NHSL1: variants seen among roughly 807,000 people sequenced by gnomAD.
NHSL1 encodes NHS like 1.
NHSL1 carries 48 observed loss-of-function variants against 95.0 expected under a neutral mutation model. That is an observed-to-expected ratio of 0.51 (90% confidence interval 0.40 to 0.64). The LOEUF (loss-of-function observed/expected upper bound fraction) is 0.64. Ranked by LOEUF, NHSL1 falls within the 30% of genes least tolerant of loss-of-function variation. The pLI is 0.00. For missense variants in NHSL1, 1,971 were observed against 2,077.7 expected (o/e 0.95, Z 1.00); for synonymous variants, 783 against 833.9 (o/e 0.94, Z 1.05).
At chr6:138,597,119 T>C (rs11965437) in intron 1 of NHSL1, among the ~76,000 whole-genome samples, 11,314 of 152,040 alleles carry the variant, frequency 0.074, 461 homozygotes, top group African/African-American at 0.11. Flanking sequence ...CAAGATCACA[T>C]CACGGCACTC....
chr6:138,425,165 A>G (rs1037028286), intron 7 of NHSL1, among the ~76,000 whole-genome samples: 12 of 152,182 alleles, frequency 7.9e-5, no homozygotes, highest in Non-Finnish European at 1.3e-4. Flanking sequence ...ATCTCAGCTC[A>G]TTGCAACCTC....
intron 4 of NHSL1, among the ~76,000 whole-genome samples, chr6:138,443,399 T>G (rs11968627): frequency 0.022 from 3,386 of 152,304 alleles, 106 homozygotes; most frequent in African/African-American, 0.072. Flanking sequence ...TGTGAAAAAC[T>G]GGGTCGCTAA....
Position 138,580,863 on chromosome 6 carries a change from AGCGCGGGCTAATATAGCCCT to A in NHSL1, c.97-84512_97-84493del, listed in dbSNP as rs1249569469. Among the ~76,000 whole-genome samples, 5 of 152,376 alleles carry A rather than the reference AGCGCGGGCTAATATAGCCCT, an allele frequency of 3.3e-5. No individual in the cohort carries two copies. In the East Asian group the frequency reaches 9.6e-4, roughly 29 times the overall value. On this transcript the variant is annotated intron_variant, in intron 1 of 3. Coordinates refer to the NHSL1 transcript ENST00000491526. ...CTGGAGATGTAGACTATGGTGGATT[AGCGCGGGCTAATATAGCCCT>A]GGGCGGGCTATAAACGCAATCACAT...
intron 3 of NHSL1, among the ~76,000 whole-genome samples, chr6:138,449,418 T>C (rs1449547708): frequency 6.6e-6 from 1 of 152,200 alleles, no homozygotes; most frequent in Non-Finnish European, 1.5e-5. Context: ...GGCTCATGCC[T>C]GTAATCCCAG....
chr6:138,499,731 C>T (rs755598020), upstream of NHSL1, among the ~76,000 whole-genome samples: 7 of 152,134 alleles, frequency 4.6e-5, no homozygotes, highest in Non-Finnish European at 1.0e-4. Flanking sequence ...AAATGTGTTC[C>T]CCATTTCATT....
chr6:138,565,742 G>C (rs2114364191), intron 1 of NHSL1, among the ~76,000 whole-genome samples: 1 of 143,784 alleles, frequency 7.0e-6, no homozygotes, highest in East Asian at 1.9e-4. Flanking sequence ...CTGAGCAAAA[G>C]AGAGAGACCC....
chr6:138,621,715 G>A (rs546926489), intron 1 of NHSL1, among the ~76,000 whole-genome samples: 72 of 152,210 alleles, frequency 4.7e-4, no homozygotes, highest in African/African-American at 1.4e-3. Context: ...TGATCTGTCC[G>A]CCTCAAATGT....
chr6:138,617,448 C>A (rs1472284794), intron 1 of NHSL1, among the ~76,000 whole-genome samples: 1 of 152,212 alleles, frequency 6.6e-6, no homozygotes, highest in Non-Finnish European at 1.5e-5. Context: ...CTCACACTGT[C>A]TCTCCCCTTT....
chr6:138,683,893 G>A (rs746427231), intron 1 of NHSL1, among the ~76,000 whole-genome samples: 9 of 152,196 alleles, frequency 5.9e-5, no homozygotes, highest in Non-Finnish European at 8.8e-5. Context: ...AGCATTCGTC[G>A]ACAGCATCAT....
intron 2 of NHSL1, among the ~76,000 whole-genome samples, chr6:138,476,814 C>T (rs761075346): frequency 1.3e-4 from 19 of 151,590 alleles, no homozygotes; most frequent in Admixed American, 2.6e-4. Flanking sequence ...GCAACAAGAG[C>T]GAAACTCCAT....
rs903348570 is a variant in NHSL1, at chr6:138,431,338, C to A, written c.3007G>T (p.Asp1003Tyr). The A allele has an allele frequency of 6.6e-7, 1 of 1,526,060 alleles. No individual in the cohort carries two copies. Among genetic ancestry groups the A allele is most frequent in the Non-Finnish European group, 8.8e-7 (1 of 1,134,198 alleles). The allele number at this position is 1,526,060 out of a possible 1,614,324, so 94.5% of individuals were successfully genotyped here. Residue 1003 changes from aspartate (D) to tyrosine (Y), a missense_variant, in exon 6 of 8, where the codon GAT becomes TAT. By Grantham distance (160) the Asp-to-Tyr change is radical. Coordinates refer to ENST00000343505, the MANE Select transcript of NHSL1 (RefSeq NM_001144060.2). This position sits in a 1 kb window ranked among gnomAD's most constrained non-coding sequence, Gnocchi z 4.0. ...PRPALSPILP[D>Y]SPVSLPLPPP... ...GGCAATGGCAAGGACACAGGTGAATCTGGAAGAATGGGGCTCAGTGCAGGG... is the reference window on the plus strand; with the variant it reads ...GGCAATGGCAAGGACACAGGTGAATATGGAAGAATGGGGCTCAGTGCAGGG...
chr6:138,571,726 T>C, exon 1 of NHSL1: 1 of 1,552,264 alleles, frequency 6.4e-7, no homozygotes, highest in Non-Finnish European at 8.7e-7. Context: ...TGGGCTGGGC[T>C]CTGTATATCC....
chr6:138,449,839 A>G (rs938798916), intron 3 of NHSL1, among the ~76,000 whole-genome samples: 2 of 152,250 alleles, frequency 1.3e-5, no homozygotes, highest in Non-Finnish European at 2.9e-5. Context: ...TAGATATCTC[A>G]ATACATTTAC....
chr6:138,496,234 T>G lies in NHSL1; in HGVS notation c.196A>C (p.Lys66Gln). Residue 66 changes from lysine to glutamine, a missense_variant, in exon 2 of 8, where the codon AAA (lysine) becomes CAA (glutamine). Lys to Gln is a moderately conservative substitution (Grantham distance 53, BLOSUM62 1). This residue lies in a region of NHSL1 where 1,602 missense variants were observed against 1,654.5 expected (regional missense o/e 0.97). Coordinates refer to ENST00000343505, the MANE Select transcript of NHSL1 (RefSeq NM_001144060.2). ...GCCATCTTACCCCTCAGTACTGATT[T>G]GAGGTTGAGCTTGGCTTGGCGGTGC... ...DLHRQAKLNL[K>Q]SVLRECDKLR... 2 of 1,551,066 alleles carry G rather than the reference T, an allele frequency of 1.3e-6. No individual in the cohort carries two copies. Among genetic ancestry groups the G allele is most frequent in the Non-Finnish European group, 1.7e-6 (2 of 1,146,784 alleles).
chr6:138,552,408 A>G (rs1783042405), intron 1 of NHSL1, among the ~76,000 whole-genome samples: 1 of 152,040 alleles, frequency 6.6e-6, no homozygotes, highest in Non-Finnish European at 1.5e-5. Flanking sequence ...GGACAAAGTG[A>G]GGCTCCATCC....
intron 1 of NHSL1, among the ~76,000 whole-genome samples, chr6:138,651,465 A>G (rs1785092223): frequency 6.6e-6 from 1 of 152,262 alleles, no homozygotes; most frequent in African/African-American, 2.4e-5. Flanking sequence ...CACGTTAACA[A>G]AATAGAATAG....
At chr6:138,438,145 G>C (rs537010909) in intron 5 of NHSL1, among the ~76,000 whole-genome samples, 52 of 152,280 alleles carry the variant, frequency 3.4e-4, no homozygotes, top group African/African-American at 1.2e-3. Context: ...TTTCAAGAAA[G>C]GAAGGATCTG....
At chr6:138,445,111 G>A (rs1776780126) in intron 4 of NHSL1, among the ~76,000 whole-genome samples, 1 of 152,118 alleles carries the variant, frequency 6.6e-6, no homozygotes, top group African/African-American at 2.4e-5. Context: ...TGTTGTGACA[G>A]TGTAATTCAT....
chr6:138,469,422 T>C (rs950668550), intron 3 of NHSL1, among the ~76,000 whole-genome samples: 3 of 152,128 alleles, frequency 2.0e-5, no homozygotes, highest in African/African-American at 7.2e-5. Context: ...TTGTTAACTT[T>C]ATATAGTTAA....
Sources: gnomAD v4.1 joint callset for allele counts (sites outside exome capture counted in the v4.1 genomes callset) on GRCh38, gnomAD v4.1.1 for gene constraint, gnomAD v4.1.1 regional missense constraint, Gnocchi (gnomAD v3.1) non-coding constraint, MANE v1.5 for transcripts, NCBI Gene and HGNC (gene_info 2026-07-23, HGNC 2026-07-21) for gene names.